Variants in PPARGC1A observed in about 807,000 individuals in gnomAD.
PPARGC1A encodes peroxisome proliferator-activated receptor gamma coactivator 1-alpha.
A neutral mutation model predicts 88.7 loss-of-function variants in PPARGC1A; 25 were observed. That is an observed-to-expected ratio of 0.28 (90% CI 0.21 to 0.39). The LOEUF (loss-of-function observed/expected upper bound fraction) is 0.39, where lower values mean the gene tolerates loss of function less well. PPARGC1A is among the 10% of genes least tolerant of loss of function. The pLI is 1.00. For missense variants in PPARGC1A, 880 were observed against 968.7 expected (o/e 0.91, Z 1.22); for synonymous variants, 363 against 355.6 (o/e 1.02, Z -0.24).
chr4:24,162,580 T>C, the PPARGC1A span, among the ~76,000 whole-genome samples: 9 of 146,260 alleles, frequency 6.2e-5, no homozygotes, highest in East Asian at 1.6e-3. Flanking sequence ...GAAATAGATG[T>C]TCCTTACTTC....
At chr4:24,001,635 T>A in the PPARGC1A span, among the ~76,000 whole-genome samples, 5 of 151,688 alleles carry the variant, frequency 3.3e-5, no homozygotes, top group African/African-American at 7.3e-5. Flanking sequence ...CTATCACTGA[T>A]TTTTTTTTCC....
chr4:23,902,072 C>T (rs1560540563), upstream of PPARGC1A, among the ~76,000 whole-genome samples: 1 of 151,542 alleles, frequency 6.6e-6, no homozygotes, highest in Non-Finnish European at 1.5e-5. Flanking sequence ...AATCTGAATA[C>T]AAAAAATAGA....
At chr4:23,910,576 G>A in the PPARGC1A span, among the ~76,000 whole-genome samples, 4 of 148,586 alleles carry the variant, frequency 2.7e-5, no homozygotes, top group African/African-American at 7.5e-5. Flanking sequence ...AAGTAGCTGG[G>A]ATAAGAGGTA....
At chr4:24,332,904 A>G in the PPARGC1A span, among the ~76,000 whole-genome samples, 3 of 152,354 alleles carry the variant, frequency 2.0e-5, no homozygotes, top group African/African-American at 7.2e-5. Context: ...TGAAATATTC[A>G]TAGTGAGTCT....
chr4:23,813,523 G>A (rs1721338961), intron 8 of PPARGC1A, among the ~76,000 whole-genome samples, 167 bp downstream of exon 8: 1 of 152,226 alleles, frequency 6.6e-6, no homozygotes, highest in Non-Finnish European at 1.5e-5. Context: ...AAGAGAACAT[G>A]GAGAGAGATG....
the PPARGC1A span, among the ~76,000 whole-genome samples, chr4:24,032,528 C>T: frequency 1.0e-3 from 154 of 152,342 alleles, 1 homozygote; most frequent in African/African-American, 3.7e-3. Context: ...TCTGGCCTTT[C>T]AGACACACTT....
At chr4:24,438,370 A>G in the PPARGC1A span, among the ~76,000 whole-genome samples, 34 of 152,292 alleles carry the variant, frequency 2.2e-4, no homozygotes, top group African/African-American at 8.2e-4. Flanking sequence ...GTATGATACT[A>G]GAGAAGAGAA....
the PPARGC1A span, among the ~76,000 whole-genome samples, chr4:24,472,149 AT>A: frequency 6.6e-6 from 1 of 152,050 alleles, no homozygotes; most frequent in South Asian, 2.1e-4. The surrounding 1 kb of genome is among the most constrained non-coding windows in gnomAD (Gnocchi z 4.5). Context: ...TCGATGGCAG[AT>A]TGGGCACGGG....
the PPARGC1A span, among the ~76,000 whole-genome samples, chr4:24,131,898 C>T: frequency 3.3e-5 from 5 of 152,156 alleles, no homozygotes. Flanking sequence ...AATTACAAAT[C>T]ATTCCACCAG....
At chr4:23,995,437 T>C in the PPARGC1A span, among the ~76,000 whole-genome samples, 1 of 152,180 alleles carries the variant, frequency 6.6e-6, no homozygotes, top group African/African-American at 2.4e-5. Flanking sequence ...TTTGATCATG[T>C]CACAGTCCTG....
chr4:24,230,489 G>C, the PPARGC1A span, among the ~76,000 whole-genome samples: 2 of 152,112 alleles, frequency 1.3e-5, no homozygotes, highest in African/African-American at 4.8e-5. Context: ...ACTTTTCGCT[G>C]GTTCCTGATG....
upstream of PPARGC1A, among the ~76,000 whole-genome samples, chr4:23,890,594 AAAC>A (rs893999551): frequency 2.2e-5 from 3 of 139,092 alleles, no homozygotes; most frequent in African/African-American, 8.1e-5. Flanking sequence ...TTGAAAGCGC[AAAC>A]GGGGCTTTTT....
At chr4:24,198,075 A>T in the PPARGC1A span, among the ~76,000 whole-genome samples, 2 of 152,194 alleles carry the variant, frequency 1.3e-5, no homozygotes, top group Non-Finnish European at 2.9e-5. Flanking sequence ...TCAGTCTTAC[A>T]CAGACATACC....
At chr4:23,947,509 G>GT in the PPARGC1A span, among the ~76,000 whole-genome samples, 1 of 151,348 alleles carries the variant, frequency 6.6e-6, no homozygotes. Context: ...TGTAACCCCA[G>GT]AACCTGCATC....
the PPARGC1A span, among the ~76,000 whole-genome samples, chr4:23,928,792 A>T: frequency 1.3e-5 from 2 of 151,824 alleles, no homozygotes; most frequent in African/African-American, 4.8e-5. Flanking sequence ...ACAAAAAAAA[A>T]AACCCAAGAT....
At chr4:24,373,052 A>C in the PPARGC1A span, among the ~76,000 whole-genome samples, 1 of 152,220 alleles carries the variant, frequency 6.6e-6, no homozygotes, top group Admixed American at 6.5e-5. Flanking sequence ...CATCGGCTGC[A>C]CAGAAGCAGA....
the PPARGC1A span, among the ~76,000 whole-genome samples, chr4:24,471,321 C>T: frequency 6.6e-6 from 1 of 151,548 alleles, no homozygotes; most frequent in Non-Finnish European, 1.5e-5. The surrounding 1 kb of genome is among the most constrained non-coding windows in gnomAD (Gnocchi z 5.4). Context: ...CGCGCGCACA[C>T]CCACACACAG....
the PPARGC1A span, among the ~76,000 whole-genome samples, chr4:24,226,312 G>A: frequency 9.2e-5 from 14 of 152,154 alleles, no homozygotes; most frequent in Non-Finnish European, 1.9e-4. Flanking sequence ...TGCCGACCCA[G>A]CCTGCATCCT....
the PPARGC1A span, among the ~76,000 whole-genome samples, chr4:24,171,449 A>G: frequency 6.6e-6 from 1 of 151,656 alleles, no homozygotes; most frequent in Non-Finnish European, 1.5e-5. Context: ...ACAACACTCT[A>G]TCTTCTTTCA....
Sources: allele counts gnomAD v4.1 joint callset (sites outside exome capture counted in the v4.1 genomes callset), GRCh38; gene constraint gnomAD v4.1.1; non-coding constraint Gnocchi (gnomAD v3.1); transcripts MANE v1.5; gene names NCBI Gene and HGNC (gene_info 2026-07-23, HGNC 2026-07-21).